Variants in LPGAT1 observed in about 807,000 individuals in gnomAD.
LPGAT1 encodes the protein acyl-CoA:lysophosphatidylglycerol acyltransferase 1.
LPGAT1 carries 11 observed loss-of-function variants against 47.5 expected under a neutral mutation model. That is an observed-to-expected ratio of 0.23 (90% CI 0.15 to 0.38). The LOEUF is 0.38. Among genes scored for constraint, LPGAT1 ranks in the 10% least tolerant of loss-of-function variants. LPGAT1 has a pLI of 1.00. For synonymous variants in LPGAT1, 138 were observed against 144.2 expected (o/e 0.96, Z 0.31); for missense variants, 293 against 439.0 (o/e 0.67, Z 2.97).
chr1:211,826,378 T>C (rs1660544439), intron 2 of LPGAT1, among the ~76,000 whole-genome samples: 1 of 152,240 alleles, frequency 6.6e-6, no homozygotes, highest in Non-Finnish European at 1.5e-5. Flanking sequence ...ATGCTTACTA[T>C]ATCAGCTTTG....
At chr1:211,818,433 A>C (rs1312401745) in intron 2 of LPGAT1, among the ~76,000 whole-genome samples, 2 of 152,176 alleles carry the variant, frequency 1.3e-5, no homozygotes, top group Non-Finnish European at 2.9e-5. Context: ...TAATTTCTCA[A>C]GAATAGCTGG....
intron 6 of LPGAT1, among the ~76,000 whole-genome samples, chr1:211,772,377 C>A (rs1658208355): frequency 6.6e-6 from 1 of 152,126 alleles, no homozygotes; most frequent in Non-Finnish European, 1.5e-5. Context: ...TTTTGTTCAT[C>A]TTCAAAACTA....
chr1:211,824,893 C>G (rs1043174704), intron 2 of LPGAT1, among the ~76,000 whole-genome samples: 1 of 152,096 alleles, frequency 6.6e-6, no homozygotes, highest in Non-Finnish European at 1.5e-5. Context: ...CCCCGAAAAG[C>G]AGGACACTAT....
At chr1:211,807,325 A>C (rs1659796525) in intron 2 of LPGAT1, among the ~76,000 whole-genome samples, 1 of 151,742 alleles carries the variant, frequency 6.6e-6, no homozygotes, top group South Asian at 2.1e-4. Flanking sequence ...CATAGCAAAA[A>C]TGTCTATTCA....
At chr1:211,791,293 T>C (rs958097713) in intron 3 of LPGAT1, among the ~76,000 whole-genome samples, 121 of 152,332 alleles carry the variant, frequency 7.9e-4, no homozygotes, top group African/African-American at 2.9e-3. Flanking sequence ...ACTTTGATGT[T>C]TTTGCCAAGA....
chr1:211,750,861 A>C, intron 7 of LPGAT1, 100 bp downstream of exon 7: 2 of 827,774 alleles, frequency 2.4e-6, no homozygotes, highest in Non-Finnish European at 3.9e-6. Context: ...TACAGAGTGC[A>C]TTTTCAAGTT....
At position 211,829,150 on chromosome 1, in the gene LPGAT1, C is replaced by T; in HGVS notation, c.147G>A (p.Leu49=). The T allele has an allele frequency of 6.2e-7, 1 of 1,614,082 alleles. No individual in the cohort carries two copies. Among genetic ancestry groups the T allele is most frequent in the Non-Finnish European group, 8.5e-7 (1 of 1,180,024 alleles). The change falls in exon 2 of 8, where the codon CTG becomes CTA. Residue 49 remains leucine (L), a synonymous_variant. Transcript: ENST00000366997. ...CGATATACCAGAACCGCTTACTGTCCAGCACTCGAAGGGGCTGAAGTATAA... is the reference window on the plus strand; with the variant it reads ...CGATATACCAGAACCGCTTACTGTCTAGCACTCGAAGGGGCTGAAGTATAA... ...YVIILQPLRV[L]DSKRFWYIEG...
intron 5 of LPGAT1, among the ~76,000 whole-genome samples, chr1:211,781,121 T>C (rs1658623608): frequency 6.6e-6 from 1 of 152,102 alleles, no homozygotes; most frequent in Non-Finnish European, 1.5e-5. Flanking sequence ...AATACCAAAA[T>C]ATGGAAAAGA....
intron 6 of LPGAT1, among the ~76,000 whole-genome samples, chr1:211,769,731 T>C (rs985424378): frequency 2.0e-5 from 3 of 152,182 alleles, no homozygotes; most frequent in Admixed American, 6.5e-5. Context: ...TAAACTGTCA[T>C]GGTGCTGGCA....
At chr1:211,802,707 A>G (rs554996741) in intron 2 of LPGAT1, among the ~76,000 whole-genome samples, 4 of 152,300 alleles carry the variant, frequency 2.6e-5, no homozygotes, top group African/African-American at 9.6e-5. Context: ...AGTTCCAGAA[A>G]AAAGAACAGA....
chr1:211,805,986 G>A (rs553331110), intron 2 of LPGAT1, among the ~76,000 whole-genome samples: 8 of 152,288 alleles, frequency 5.3e-5, no homozygotes, highest in East Asian at 3.9e-4. Context: ...CAGGCCGGGC[G>A]CAGTGGCTCA....
chr1:211,789,885 G>A (rs1553310377), intron 3 of LPGAT1, among the ~76,000 whole-genome samples: 16 of 107,432 alleles, frequency 1.5e-4, no homozygotes, highest in Non-Finnish European at 1.7e-4. Flanking sequence ...AAAAAAAAAA[G>A]TACCAACACT....
At position 211,746,669 on chromosome 1, in the gene LPGAT1, A is replaced by G. The variant is rs148975149; in HGVS notation, c.*3230T>C. 6.6e-6 allele frequency: 1 copy of G among 152,384 alleles called. No homozygotes were observed. Among genetic ancestry groups the G allele is most frequent in the Non-Finnish European group, 1.5e-5 (1 of 68,042 alleles). 9.4% of individuals were successfully genotyped at this position (152,384 alleles called of 1,614,324 possible). A position where few individuals can be genotyped will look rare whatever the true frequency, so the allele number is the denominator to read the frequency against. ...GGATTGGTTGTAATATTAAAGACCAATAAGATAGATCTGAACTCATAGCTA... is the reference window on the plus strand; with the variant it reads ...GGATTGGTTGTAATATTAAAGACCAGTAAGATAGATCTGAACTCATAGCTA... On this transcript the variant is annotated 3_prime_UTR_variant, in exon 8 of 8. Transcript: ENST00000366997.
At chr1:211,826,666 G>GATATATATATATAT (rs10565966) in intron 2 of LPGAT1, among the ~76,000 whole-genome samples, 6 of 148,812 alleles carry the variant, frequency 4.0e-5, no homozygotes, top group African/African-American at 1.5e-4. Context: ...TTTGGAAAAA[G>GATATATATATATAT]ATATATATAT....
intron 1 of LPGAT1, chr1:211,829,939 G>C: frequency 1.0e-6 from 1 of 985,304 alleles, no homozygotes; most frequent in South Asian, 4.7e-5. Flanking sequence ...GAAAGTAGGG[G>C]GTTATAATGC....
intron 6 of LPGAT1, among the ~76,000 whole-genome samples, chr1:211,764,632 G>A (rs1362745781): frequency 6.6e-6 from 1 of 152,250 alleles, no homozygotes; most frequent in East Asian, 1.9e-4. Context: ...ATACTAAAAT[G>A]TAATATTTAT....
Position 211,747,354 on chromosome 1 carries a change from G to T in LPGAT1, c.*2545C>A, listed in dbSNP as rs911003310. 1.3e-5 allele frequency: 2 copies of T among 152,076 alleles called. No individual in the cohort carries two copies. Among genetic ancestry groups the T allele is most frequent in the African/African-American group, 2.4e-5 (1 of 41,388 alleles). The allele number at this position is 152,076 out of a possible 1,614,324, so 9.4% of individuals were successfully genotyped here. On this transcript the variant is annotated 3_prime_UTR_variant, in exon 8 of 8. Coordinates refer to ENST00000366997, the MANE Select transcript of LPGAT1 (RefSeq NM_014873.3). ...AATACACATCTATTTACAACTCACG[G>T]AGATATTTAAAAAAATTAACTCACA...
chr1:211,821,538 G>A (rs192560368), intron 2 of LPGAT1, among the ~76,000 whole-genome samples: 253 of 152,248 alleles, frequency 1.7e-3, no homozygotes, highest in Admixed American at 3.6e-3. Context: ...AAGGGAGAAA[G>A]CAGAGAGAAG....
intron 2 of LPGAT1, among the ~76,000 whole-genome samples, chr1:211,822,210 C>T (rs548798957): frequency 2.6e-5 from 4 of 152,276 alleles, no homozygotes; most frequent in African/African-American, 9.6e-5. Context: ...CCCTGAGCTT[C>T]TGTAATAGTC....
Sources: gnomAD v4.1 joint callset for allele counts (sites outside exome capture counted in the v4.1 genomes callset) on GRCh38, gnomAD v4.1.1 for gene constraint, MANE v1.5 for transcripts, NCBI Gene and HGNC (gene_info 2026-07-23, HGNC 2026-07-21) for gene names.